KIF21B: variants seen among roughly 807,000 people sequenced by gnomAD.
KIF21B encodes kinesin family member 21B.
In KIF21B, 85 loss-of-function variants were observed where a neutral mutation model predicts 192.9. That is an observed-to-expected ratio of 0.44 (90% CI 0.37 to 0.53). KIF21B has a LOEUF of 0.53. KIF21B is among the 20% of genes least tolerant of loss of function. The probability of loss-of-function intolerance (pLI) is 0.00; values close to 1 mark genes in which losing one functional copy is unlikely to be tolerated. For missense variants in KIF21B, 1,716 were observed against 2,194.8 expected (o/e 0.78, Z 4.36); for synonymous variants, 832 against 884.6 (o/e 0.94, Z 1.05).
chr1:201,010,997 G>A (rs1054523909), intron 1 of KIF21B, among the ~76,000 whole-genome samples: 3 of 152,224 alleles, frequency 2.0e-5, no homozygotes, highest in African/African-American at 4.8e-5. Context: ...AAGTGTTTCC[G>A]GGGTGTGAAC....
chr1:201,018,395 G>A (rs1264402257), intron 1 of KIF21B, among the ~76,000 whole-genome samples: 1 of 152,222 alleles, frequency 6.6e-6, no homozygotes, highest in Admixed American at 6.5e-5. Context: ...GTGGTGCCAG[G>A]CAGCCCCATG....
At position 200,987,075 on chromosome 1, in the gene KIF21B, C is replaced by G; in HGVS notation, c.3535G>C (p.Val1179Leu). 1 of 1,614,046 alleles carries G rather than the reference C, an allele frequency of 6.2e-7. No homozygotes were observed. The highest frequency in any genetic ancestry group is 8.5e-7 in the Non-Finnish European group (1 of 1,180,010). The part of the protein sequence containing the change: ...ASLVEIKEDG[V>L]GFSVRDPYYR... ...TAGGGGTCTCGGACAGAGAAGCCCA[C>G]TCCGTCCTCTTTGATCTCAACGAGG... is the stretch of plus-strand genomic sequence containing the variant. Residue 1179 changes from valine to leucine, a missense_variant, in exon 25 of 35, where the codon GTG becomes CTG. This residue lies in a region of KIF21B where 580 missense variants were observed against 775.5 expected (regional missense o/e 0.75). Transcript: ENST00000461742.
chr1:200,986,928 A>G lies in KIF21B; in HGVS notation c.3615-10T>C. ...TCGAGATTGCCTAGGGCTACAACAG[A>G]AGAGTCCAGTGAGGCCCAGACCCAA... On this transcript the variant is annotated splice_polypyrimidine_tract_variant and intron_variant, in intron 25 of 34. Coordinates refer to ENST00000461742, the MANE Select transcript of KIF21B (RefSeq NM_001252102.2). The G allele has an allele frequency of 1.2e-6, 2 of 1,613,610 alleles. No individual in the cohort carries two copies. The highest frequency in any genetic ancestry group is 1.7e-6 in the Non-Finnish European group (2 of 1,179,690).
intron 1 of KIF21B, among the ~76,000 whole-genome samples, chr1:201,022,714 T>C (rs1658917509): frequency 6.6e-6 from 1 of 152,176 alleles, no homozygotes; most frequent in African/African-American, 2.4e-5. Flanking sequence ...CCTCCTGCCC[T>C]CTCAGAGAGA....
intron 1 of KIF21B, among the ~76,000 whole-genome samples, chr1:201,020,112 A>C (rs1474756071): frequency 6.6e-6 from 1 of 152,120 alleles, no homozygotes; most frequent in African/African-American, 2.4e-5. Context: ...AGCACCGCCA[A>C]GCAGACTAAA....
At chr1:201,016,992 G>A (rs1360882714) in intron 1 of KIF21B, among the ~76,000 whole-genome samples, 2 of 152,100 alleles carry the variant, frequency 1.3e-5, no homozygotes, top group Non-Finnish European at 2.9e-5. Flanking sequence ...GAGGCCTTGG[G>A]GTGTCAGCTT....
At chr1:201,020,378 T>C (rs984112575) in intron 1 of KIF21B, among the ~76,000 whole-genome samples, 7 of 152,182 alleles carry the variant, frequency 4.6e-5, no homozygotes, top group Non-Finnish European at 7.3e-5. Context: ...CACCTCTCTC[T>C]AGCCTTGCTA....
intron 5 of KIF21B, 87 bp from the exon 6 acceptor site, chr1:201,005,020 C>A: frequency 7.0e-7 from 1 of 1,437,074 alleles, no homozygotes; most frequent in South Asian, 1.3e-5. Context: ...GGGAGAGGCA[C>A]GGTGGACGGC....
chr1:200,974,157 G>A, intron 34 of KIF21B: 1 of 1,580,944 alleles, frequency 6.3e-7, no homozygotes, highest in African/African-American at 1.4e-5. Context: ...CAGGGGGTGA[G>A]TCCAGGGACG....
chr1:200,999,614 C>T lies in KIF21B; in HGVS notation c.1768-148G>A. 1 of 1,420,058 alleles carries T rather than the reference C, an allele frequency of 7.0e-7. No homozygotes were observed. Among genetic ancestry groups the T allele is most frequent in the Non-Finnish European group, 9.5e-7 (1 of 1,053,226 alleles). The allele number at this position is 1,420,058 out of a possible 1,614,324, so 88.0% of individuals were successfully genotyped here. ...GAGCCCCCCTGCCCACCCCCTACTC[C>T]TGGAAGAGTGCCGCCTCCCCCAACA... On this transcript the variant is annotated intron_variant, in intron 12 of 34. Coordinates refer to ENST00000461742, the MANE Select transcript of KIF21B (RefSeq NM_001252102.2). This position sits in a 1 kb window ranked among gnomAD's most constrained non-coding sequence, Gnocchi z 4.7.
Position 201,005,592 on chromosome 1 carries a change from T to C in KIF21B, c.550A>G (p.Ile184Val). The change falls in exon 4 of 35, where the codon ATC (isoleucine) becomes GTC (valine). Residue 184 changes from isoleucine (I) to valine (V), a missense_variant. Ile to Val is a conservative substitution (Grantham distance 29, BLOSUM62 3). Around this residue, in one of 3 missense-constraint regions of KIF21B, gnomAD observed 1,087 missense variants for 1,316.6 expected, o/e 0.83. Transcript: ENST00000461742. ...CGAGAAGTGACGCCAGTGGTGTAGATGCCACCGTTTGCGTCCTCGTGGATC... is the reference window on the plus strand; with the variant it reads ...CGAGAAGTGACGCCAGTGGTGTAGACGCCACCGTTTGCGTCCTCGTGGATC... ...IKIHEDANGG[I>V]YTTGVTSRLI... 1.9e-6 allele frequency: 3 copies of C among 1,614,180 alleles called. No individual in the cohort carries two copies. The highest frequency in any genetic ancestry group is 2.2e-5 in the South Asian group (2 of 91,082).
At chr1:200,989,853 G>T (rs575962144) in intron 21 of KIF21B, 89 bp downstream of exon 21, 11 of 1,013,586 alleles carry the variant, frequency 1.1e-5, no homozygotes, top group African/African-American at 9.4e-5. Flanking sequence ...CAGGTGAGGA[G>T]GCGCCAGGCC....
intron 1 of KIF21B, among the ~76,000 whole-genome samples, chr1:201,010,087 A>G (rs957628701): frequency 2.6e-5 from 4 of 152,212 alleles, no homozygotes; most frequent in African/African-American, 7.2e-5. Context: ...AGGAGGCCAG[A>G]GCCTCTGCCA....
intron 34 of KIF21B, 84 bp from the exon 35 acceptor site, chr1:200,973,662 T>C: frequency 6.6e-7 from 1 of 1,509,700 alleles, no homozygotes; most frequent in Non-Finnish European, 8.8e-7. Flanking sequence ...GAGGATGAAC[T>C]GGATTCCCCA....
At chr1:200,995,473 A>C (rs1387818583) in intron 15 of KIF21B, among the ~76,000 whole-genome samples, 1 of 152,216 alleles carries the variant, frequency 6.6e-6, no homozygotes, top group Admixed American at 6.5e-5. Context: ...CACACCAGAC[A>C]CTGGAAACAC....
Position 201,017,646 on chromosome 1 carries a change from G to A in KIF21B, c.41+5697C>T, listed in dbSNP as rs1273723397. ...TGCTGAGGAATGCAGAGCAACAGAA[G>A]GCTGGCTGTGGAGGGCAGCAAGCCT... is the stretch of plus-strand genomic sequence containing the variant. On this transcript the variant is annotated intron_variant, in intron 1 of 34. Coordinates refer to ENST00000461742, the MANE Select transcript of KIF21B (RefSeq NM_001252102.2). This position sits in a 1 kb window ranked among gnomAD's most constrained non-coding sequence, Gnocchi z 4.1. Among the ~76,000 whole-genome samples, 4 of 152,216 alleles carry A rather than the reference G, an allele frequency of 2.6e-5. No homozygotes were observed. The highest frequency in any genetic ancestry group is 9.6e-5 in the African/African-American group (4 of 41,460).
At chr1:201,002,075 GT>G in intron 9 of KIF21B, 85 bp downstream of exon 9, 1 of 1,206,910 alleles carries the variant, frequency 8.3e-7, no homozygotes, top group Admixed American at 1.9e-5. Context: ...GGCTGGCTTA[GT>G]CCACCTGATA....
Position 200,980,974 on chromosome 1 carries a change from A to C in KIF21B, c.3965T>G (p.Phe1322Cys), listed in dbSNP as rs1212027245. The C allele has an allele frequency of 5.6e-6, 9 of 1,611,830 alleles. No individual in the cohort carries two copies. The South Asian group carries it at 9.9e-5, about 18-fold the overall frequency. The stretch of plus-strand genomic sequence containing the variant: ...GTTCCACATACCTTTGGACCCTGTG[A>C]ATAGCAACTCATCTGTGGCATCCAG... ...LCLDATDELL[F>C]TGSKDRSCKM... is the part of the protein sequence containing the mutation. The change falls in exon 29 of 35, where the codon TTC becomes TGC. Residue 1322 changes from phenylalanine to cysteine, a missense_variant. Coordinates refer to ENST00000461742, the MANE Select transcript of KIF21B (RefSeq NM_001252102.2).
chr1:201,013,417 C>A (rs977364248), intron 1 of KIF21B, among the ~76,000 whole-genome samples: 3 of 152,202 alleles, frequency 2.0e-5, no homozygotes, highest in Non-Finnish European at 4.4e-5. Context: ...TACTTGGCCC[C>A]AGATAAGCAG....
Sources: gnomAD v4.1 joint callset for allele counts (sites outside exome capture counted in the v4.1 genomes callset) on GRCh38, gnomAD v4.1.1 for gene constraint, gnomAD v4.1.1 regional missense constraint, Gnocchi (gnomAD v3.1) non-coding constraint, MANE v1.5 for transcripts, NCBI Gene and HGNC (gene_info 2026-07-23, HGNC 2026-07-21) for gene names.